The following C1orf105 variants were observed in gnomAD, a reference collection of about 807,000 sequenced individuals.
C1orf105 encodes uncharacterized protein C1orf105.
Under a neutral mutation model 20.8 loss-of-function variants are expected in C1orf105, and 17 were observed. That is an observed-to-expected ratio of 0.82 (90% CI 0.56 to 1.23). The LOEUF (loss-of-function observed/expected upper bound fraction) is 1.23. Among genes scored for constraint, C1orf105 ranks in the 50% most tolerant of loss-of-function variants. The probability of loss-of-function intolerance (pLI) is 0.00; values close to 1 mark genes in which losing one functional copy is unlikely to be tolerated. For missense variants in C1orf105, 219 were observed against 213.5 expected (o/e 1.03, Z -0.16); for synonymous variants, 72 against 72.1 (o/e 1.00, Z 0.01).
intron 1 of C1orf105, among the ~76,000 whole-genome samples, chr1:172,435,547 C>T (rs1212593610): frequency 6.6e-6 from 1 of 152,082 alleles, no homozygotes; most frequent in South Asian, 2.1e-4. Context: ...ATTCAACAGC[C>T]CTTCATGCTA....
chr1:172,452,954 A>G, intron 3 of C1orf105: 7 of 1,541,686 alleles, frequency 4.5e-6, no homozygotes, highest in Non-Finnish European at 6.1e-6. Flanking sequence ...ACCGAGTGAG[A>G]AGGGAATGCA....
At chr1:172,444,709 G>C (rs572057526) in intron 1 of C1orf105, among the ~76,000 whole-genome samples, 36 of 152,288 alleles carry the variant, frequency 2.4e-4, no homozygotes, top group African/African-American at 8.4e-4. Context: ...GTGAGGACAA[G>C]ATTGCTAATT....
At position 172,427,115 on chromosome 1, in the gene C1orf105, C is replaced by G. The variant is rs761467041; in HGVS notation, c.21+6209C>G. Among the ~76,000 whole-genome samples the G allele has an allele frequency of 8.5e-4, 129 of 152,344 alleles. 2 individuals carry two copies. The highest frequency in any genetic ancestry group is 6.8e-3 in the Middle Eastern group (2 of 294). ...CCCAATGTCCTAAGTTGTTTCACAC[C>G]TTTTCTCTCACTCCCCTATCCTCAA... On this transcript the variant is annotated intron_variant, in intron 1 of 6. Transcript: ENST00000367727.
At chr1:172,463,746 A>G (rs1285982284) in intron 5 of C1orf105, among the ~76,000 whole-genome samples, 1 of 152,230 alleles carries the variant, frequency 6.6e-6, no homozygotes, top group Non-Finnish European at 1.5e-5. Flanking sequence ...ATTCCAGAAC[A>G]TTAATTAGTT....
At chr1:172,466,508 C>T (rs1375462301) in intron 6 of C1orf105, among the ~76,000 whole-genome samples, 1 of 152,082 alleles carries the variant, frequency 6.6e-6, no homozygotes, top group African/African-American at 2.4e-5. Context: ...CAGCCACACA[C>T]TCATTCTGCG....
At chr1:172,453,943 A>C (rs1648948208) in intron 3 of C1orf105, among the ~76,000 whole-genome samples, 1 of 152,180 alleles carries the variant, frequency 6.6e-6, no homozygotes, top group Non-Finnish European at 1.5e-5. Context: ...AAGAGATGAC[A>C]GTCATTATGT....
intron 1 of C1orf105, among the ~76,000 whole-genome samples, chr1:172,432,239 G>A (rs2071895949): frequency 6.6e-6 from 1 of 152,208 alleles, no homozygotes; most frequent in Non-Finnish European, 1.5e-5. Flanking sequence ...GAGAGCAGTG[G>A]TTCTCCCAGC....
chr1:172,439,322 C>T (rs1171187399), intron 1 of C1orf105, among the ~76,000 whole-genome samples: 1 of 152,182 alleles, frequency 6.6e-6, no homozygotes, highest in East Asian at 1.9e-4. Context: ...TCAGCACTCT[C>T]AGATTTCAGT....
chr1:172,437,178 G>A lies in C1orf105; in HGVS notation c.22-7895G>A, dbSNP rs551105549. Among the ~76,000 whole-genome samples, 6 of 152,268 alleles carry A rather than the reference G, an allele frequency of 3.9e-5. No homozygotes were observed. The East Asian group carries it at 7.7e-4, about 20-fold the overall frequency. On this transcript the variant is annotated intron_variant, in intron 1 of 6. Transcript: ENST00000367727. ...CAACCATTGTGGAAGACAGTGTGGCGATTCCTCAAGGATTTAGAGCTAGAA... is the reference window on the plus strand; with the variant it reads ...CAACCATTGTGGAAGACAGTGTGGCAATTCCTCAAGGATTTAGAGCTAGAA...
At chr1:172,420,957 T>C (rs746221034) in intron 1 of C1orf105, 51 bp downstream of exon 1, 1 of 1,537,080 alleles carries the variant, frequency 6.5e-7, no homozygotes, top group Non-Finnish European at 9.0e-7. Context: ...GGGGTTACCC[T>C]GGTAAATGTT....
chr1:172,447,421 G>C (rs555244155), intron 2 of C1orf105, among the ~76,000 whole-genome samples: 1 of 152,124 alleles, frequency 6.6e-6, no homozygotes, highest in Non-Finnish European at 1.5e-5. Flanking sequence ...CACACTCATC[G>C]TCAGTCTCCA....
chr1:172,465,204 A>G, intron 5 of C1orf105, 95 bp from the exon 6 acceptor site: 1 of 504,238 alleles, frequency 2.0e-6, no homozygotes, highest in Non-Finnish European at 3.1e-6. Flanking sequence ...AATAAATAAT[A>G]ATAAATAAAT....
intron 1 of C1orf105, among the ~76,000 whole-genome samples, chr1:172,431,968 C>G (rs763885631): frequency 6.6e-6 from 1 of 152,230 alleles, no homozygotes; most frequent in Non-Finnish European, 1.5e-5. Flanking sequence ...GGTCCCATGC[C>G]CATGGGGCCT....
intron 3 of C1orf105, 105 bp from the exon 4 acceptor site, chr1:172,456,310 A>C: frequency 2.1e-6 from 2 of 958,814 alleles, no homozygotes; most frequent in East Asian, 2.4e-5. Flanking sequence ...GTTTTACGGA[A>C]GGAAAAACTG....
intron 2 of C1orf105, 42 bp from the exon 3 acceptor site, chr1:172,448,399 A>T: frequency 7.4e-7 from 1 of 1,356,684 alleles, no homozygotes; most frequent in African/African-American, 1.4e-5. Flanking sequence ...CTCTTCAAAC[A>T]TGGGACTGCG....
At chr1:172,435,940 T>A (rs1465110073) in intron 1 of C1orf105, among the ~76,000 whole-genome samples, 1 of 152,230 alleles carries the variant, frequency 6.6e-6, no homozygotes, top group Non-Finnish European at 1.5e-5. Flanking sequence ...CAAGCATTCC[T>A]ATACACCAAT....
intron 6 of C1orf105, 97 bp from the exon 7 acceptor site, chr1:172,468,352 T>G: frequency 1.1e-6 from 1 of 920,330 alleles, no homozygotes; most frequent in Non-Finnish European, 1.5e-6. Context: ...TTTATAAGGT[T>G]GAAGAAGTCT....
chr1:172,447,016 C>G (rs1025289513), intron 2 of C1orf105, among the ~76,000 whole-genome samples: 2 of 152,186 alleles, frequency 1.3e-5, no homozygotes, highest in Non-Finnish European at 2.9e-5. Context: ...CTTTGAGGTG[C>G]CCTGAGCTCT....
chr1:172,453,298 G>T (rs1044280579), intron 3 of C1orf105: 32 of 1,263,886 alleles, frequency 2.5e-5, no homozygotes, highest in Non-Finnish European at 3.1e-5. Context: ...GACCATTATC[G>T]GTAGGGGAAG....
Sources: gnomAD v4.1 joint callset for allele counts (sites outside exome capture counted in the v4.1 genomes callset) on GRCh38, gnomAD v4.1.1 for gene constraint, MANE v1.5 for transcripts, NCBI Gene and HGNC (gene_info 2026-07-23, HGNC 2026-07-21) for gene names.